Variants in URB2 observed in about 807,000 individuals in gnomAD.
The protein encoded by URB2 is URB2 ribosome biogenesis homolog.
A neutral mutation model predicts 120.9 loss-of-function variants in URB2; 86 were observed. That is an observed-to-expected ratio of 0.71 (90% CI 0.60 to 0.85). URB2 has a LOEUF of 0.85. URB2 is among the 40% of genes least tolerant of loss of function. URB2 has a pLI of 0.00. For synonymous variants in URB2, 755 were observed against 758.4 expected (o/e 1.00, Z 0.07); for missense variants, 1,765 against 1,836.5 (o/e 0.96, Z 0.71).
Position 229,636,080 on chromosome 1 carries a change from G to A in URB2, c.1467G>A (p.Val489=). The stretch of plus-strand genomic sequence containing the variant: ...CTGCTGAGGCACTGAGGCAGCCTGT[G>A]CTGGCCTCGGGCCCCTCCACGGTAC... ...RPAAEALRQP[V]LASGPSTVLS... Residue 489 remains valine, a synonymous_variant, in exon 4 of 10, where the codon GTG becomes GTA. Transcript: ENST00000258243. 1 of 1,614,238 alleles carries A rather than the reference G, an allele frequency of 6.2e-7. No individual in the cohort carries two copies. Among genetic ancestry groups the A allele is most frequent in the Non-Finnish European group, 8.5e-7 (1 of 1,180,052 alleles).
rs1666065044 is a variant in URB2 at position 229,643,613 on chromosome 1, A to C, written c.3715A>C (p.Thr1239Pro). ...GTTCACCCAAATGTTAGAGGTTGGGACGACAGAGGACTTGAGGCTGGTGAT... is the reference window on the plus strand; with the variant it reads ...GTTCACCCAAATGTTAGAGGTTGGGCCGACAGAGGACTTGAGGCTGGTGAT... ...ALFTQMLEVG[T>P]TEDLRLVMQC... The change falls in exon 5 of 10, where the codon ACG (threonine) becomes CCG (proline). Residue 1239 changes from threonine to proline, a missense_variant. Coordinates refer to ENST00000258243, the MANE Select transcript of URB2 (RefSeq NM_014777.4). The C allele has an allele frequency of 6.2e-7, 1 of 1,614,220 alleles. No homozygotes were observed. Among genetic ancestry groups the C allele is most frequent in the Non-Finnish European group, 8.5e-7 (1 of 1,180,040 alleles).
In URB2 at chr1:229,637,336, G is replaced by T. The variant is rs1437797919; in HGVS notation, c.2723G>T (p.Ser908Ile). 6.2e-7 allele frequency: 1 copy of T among 1,614,062 alleles called. No homozygotes were observed. Among genetic ancestry groups the T allele is most frequent in the Non-Finnish European group, 8.5e-7 (1 of 1,180,040 alleles). Residue 908 changes from serine to isoleucine, a missense_variant, in exon 4 of 10, where the codon AGC (serine) becomes ATC (isoleucine). Coordinates refer to ENST00000258243, the MANE Select transcript of URB2 (RefSeq NM_014777.4). ...GTGATTTCTGCCTTACAGCTGGACA[G>T]CCTCTTGCCACCCTATCATGTGCAT... ...LEVISALQLD[S>I]LLPPYHVHYF...
intron 9 of URB2, among the ~76,000 whole-genome samples, chr1:229,654,937 G>A (rs1666372192): frequency 6.6e-6 from 1 of 152,176 alleles, no homozygotes; most frequent in Admixed American, 6.5e-5. Context: ...TTATATAAAA[G>A]GAGAGGAAAT....
rs147241720 is a variant in URB2, at chr1:229,647,720, G to C, written c.4117G>C (p.Val1373Leu). 1.2e-6 allele frequency: 2 copies of C among 1,613,964 alleles called. No individual in the cohort carries two copies. The highest frequency in any genetic ancestry group is 4.5e-5 in the East Asian group (2 of 44,882). The change falls in exon 7 of 10, where the codon GTG becomes CTG. Residue 1373 changes from valine (V) to leucine (L), a missense_variant. Physicochemically the swap from Val to Leu is conservative, Grantham distance 32 (BLOSUM62 1). Coordinates refer to ENST00000258243, the MANE Select transcript of URB2 (RefSeq NM_014777.4). ...YGSVFPRLHN[V>L]LFSILQCHPK... ...AAGCGTCTTCCCGAGGCTGCACAAC[G>C]TGCTCTTCTCAATCCTGCAGTGTCA...
chr1:229,655,010 A>T (rs1666373813), intron 9 of URB2, among the ~76,000 whole-genome samples: 1 of 152,166 alleles, frequency 6.6e-6, no homozygotes, highest in Non-Finnish European at 1.5e-5. Context: ...TAGAAAGAGG[A>T]GTTCTAGACC....
chr1:229,638,707 C>G (rs1665922167), intron 4 of URB2, among the ~76,000 whole-genome samples: 2 of 152,050 alleles, frequency 1.3e-5, no homozygotes, highest in Admixed American at 1.3e-4. Flanking sequence ...GCCCAGCACC[C>G]ACGACTTCAT....
chr1:229,650,390 G>A (rs1218551570), intron 7 of URB2, among the ~76,000 whole-genome samples: 1 of 152,134 alleles, frequency 6.6e-6, no homozygotes, highest in Non-Finnish European at 1.5e-5. Context: ...CAGACCTAAA[G>A]ATGATTGACT....
rs1228213252 is a variant in URB2 at position 229,636,384 on chromosome 1, C to A, written c.1771C>A (p.Pro591Thr). 1 of 1,614,218 alleles carries A rather than the reference C, an allele frequency of 6.2e-7. No homozygotes were observed. Among genetic ancestry groups the A allele is most frequent in the Non-Finnish European group, 8.5e-7 (1 of 1,180,028 alleles). The change falls in exon 4 of 10, where the codon CCA (proline) becomes ACA (threonine). Residue 591 changes from proline (P) to threonine (T), a missense_variant. Physicochemically the swap from Pro to Thr is conservative, Grantham distance 38. Coordinates refer to ENST00000258243, the MANE Select transcript of URB2 (RefSeq NM_014777.4). The stretch of plus-strand genomic sequence containing the variant: ...CCTGCTGGCCCTTCTCCCGGACACC[C>A]CAGGCCCAGAGCCAGAGCTGTGGCT... ...QPLLALLPDT[P>T]GPEPELWLQK...
At chr1:229,647,045 C>T (rs1666162712) in intron 6 of URB2, among the ~76,000 whole-genome samples, 2 of 152,162 alleles carry the variant, frequency 1.3e-5, no homozygotes. Flanking sequence ...CCCATGCTGA[C>T]GGGCAGGGAC....
chr1:229,633,491 A>G (rs1323369732), intron 3 of URB2, among the ~76,000 whole-genome samples: 1 of 152,238 alleles, frequency 6.6e-6, no homozygotes, highest in Non-Finnish European at 1.5e-5. Flanking sequence ...GGAAAAATCG[A>G]TGAGTTGTAT....
intron 2 of URB2, among the ~76,000 whole-genome samples, chr1:229,630,640 C>G (rs1386597329): frequency 6.6e-6 from 1 of 152,148 alleles, no homozygotes. Flanking sequence ...GAGAGTCAGC[C>G]TGTCCTTTGA....
At position 229,636,791 on chromosome 1, in the gene URB2, A is replaced by C. The variant is rs761394804; in HGVS notation, c.2178A>C (p.Gln726His). 6 of 1,612,454 alleles carry C rather than the reference A, an allele frequency of 3.7e-6. No homozygotes were observed. The highest frequency in any genetic ancestry group is 5.1e-6 in the Non-Finnish European group (6 of 1,178,866). The stretch of plus-strand genomic sequence containing the variant: ...GAACGACGGCTTCCTGGGATGGCCA[A>C]GTTGGGATGGTGAGTGGACTCACAT... ...NQRTTASWDGQVGMVSGLTYP... is the reference protein window; with the variant it reads ...NQRTTASWDGHVGMVSGLTYP... The change falls in exon 4 of 10, where the codon CAA becomes CAC. Residue 726 changes from glutamine (Q) to histidine (H), a missense_variant. By Grantham distance (24) the Gln-to-His change is conservative. Coordinates refer to ENST00000258243, the MANE Select transcript of URB2 (RefSeq NM_014777.4).
chr1:229,639,509 G>T (rs1024354387), intron 4 of URB2, among the ~76,000 whole-genome samples: 27 of 151,768 alleles, frequency 1.8e-4, no homozygotes, highest in Non-Finnish European at 3.1e-4. Flanking sequence ...TAATTTTTTT[G>T]TATTTTTTAG....
At chr1:229,647,453 G>C in intron 6 of URB2, 57 bp from the exon 7 acceptor site, 1 of 1,576,350 alleles carries the variant, frequency 6.3e-7, no homozygotes, top group Non-Finnish European at 8.6e-7. Context: ...TGCAGTGTTT[G>C]TGTTATTTCC....
At chr1:229,658,919 T>A (rs981922875) in intron 9 of URB2, among the ~76,000 whole-genome samples, 181 bp from the exon 10 acceptor site, 1 of 152,158 alleles carries the variant, frequency 6.6e-6, no homozygotes, top group Non-Finnish European at 1.5e-5. Flanking sequence ...TTTAAAAATA[T>A]GAGTATTTAA....
intron 9 of URB2, among the ~76,000 whole-genome samples, chr1:229,657,629 T>G (rs531050799): frequency 6.6e-6 from 1 of 152,340 alleles, no homozygotes; most frequent in South Asian, 2.1e-4. Flanking sequence ...TCGTTTTGTT[T>G]TGTTTTTTTC....
chr1:229,635,247 C>A lies in URB2; in HGVS notation c.634C>A (p.Leu212Ile). The change falls in exon 4 of 10, where the codon CTC becomes ATC. Residue 212 changes from leucine to isoleucine, a missense_variant. Coordinates refer to ENST00000258243, the MANE Select transcript of URB2 (RefSeq NM_014777.4). ...LQPCLVLRHL[L>I]SGGTWTQAGQ... is the part of the protein sequence containing the mutation. ...GCCGTGCCTGGTCCTGAGGCACTTA[C>A]TCTCTGGGGGCACATGGACGCAGGC... 1 of 1,614,252 alleles carries A rather than the reference C, an allele frequency of 6.2e-7. No individual in the cohort carries two copies. The highest frequency in any genetic ancestry group is 8.5e-7 in the Non-Finnish European group (1 of 1,180,052).
Position 229,638,038 on chromosome 1 carries a change from G to A in URB2, c.3425G>A (p.Gly1142Glu), listed in dbSNP as rs1265735546. The A allele has an allele frequency of 3.4e-5, 55 of 1,613,248 alleles. No homozygotes were observed. Among genetic ancestry groups the A allele is most frequent in the Non-Finnish European group, 4.4e-5 (52 of 1,179,556 alleles). ...CRDGGADISQ[G>E]SDRTLLSHVA... ...GATGGAGGGGCCGACATTTCCCAAG[G>A]AAGCGACAGGACGCTGCTCTCCCAT... Residue 1142 changes from glycine (G) to glutamate (E), a missense_variant, in exon 4 of 10, where the codon GGA becomes GAA. Transcript: ENST00000258243.
At chr1:229,655,440 G>T (rs1666383100) in intron 9 of URB2, among the ~76,000 whole-genome samples, 1 of 152,026 alleles carries the variant, frequency 6.6e-6, no homozygotes, top group African/African-American at 2.4e-5. Flanking sequence ...TGCCATGTTG[G>T]CCAGGCTGGT....
Sources: gnomAD v4.1 joint callset for allele counts (sites outside exome capture counted in the v4.1 genomes callset) on GRCh38, gnomAD v4.1.1 for gene constraint, MANE v1.5 for transcripts, NCBI Gene and HGNC (gene_info 2026-07-23, HGNC 2026-07-21) for gene names.